CNTNAP5: variants seen among roughly 807,000 people sequenced by gnomAD.
The protein encoded by CNTNAP5 is contactin-associated protein-like 5.
A neutral mutation model predicts 150.2 loss-of-function variants in CNTNAP5; 72 were observed. The ratio of observed to expected loss-of-function variants is 0.48; its 90% CI spans 0.40 to 0.58. The LOEUF (loss-of-function observed/expected upper bound fraction) is 0.58. Ranked by LOEUF, CNTNAP5 falls within the 20% of genes least tolerant of loss-of-function variation. The probability of loss-of-function intolerance (pLI) is 0.00; values close to 1 mark genes in which losing one functional copy is unlikely to be tolerated. For synonymous variants in CNTNAP5, 672 were observed against 619.8 expected, an observed-to-expected ratio of 1.08 and a Z score of -1.25; for missense variants, 1,636 against 1,626.2, an observed-to-expected ratio of 1.01 and a Z score of -0.10.
intron 1 of CNTNAP5, among the ~76,000 whole-genome samples, chr2:124,128,601 C>A (rs562270229): frequency 1.9e-4 from 29 of 152,292 alleles, no homozygotes; most frequent in African/African-American, 6.5e-4. Context: ...ACTATAAAGA[C>A]ACATGCACAC....
chr2:124,121,161 C>A (rs932171167), intron 1 of CNTNAP5, among the ~76,000 whole-genome samples: 1 of 151,950 alleles, frequency 6.6e-6, no homozygotes, highest in Non-Finnish European at 1.5e-5. Flanking sequence ...CACACACACA[C>A]ACAAACACAC....
chr2:124,373,372 G>A (rs1483200564), intron 3 of CNTNAP5, among the ~76,000 whole-genome samples: 2 of 152,068 alleles, frequency 1.3e-5, no homozygotes, highest in Non-Finnish European at 2.9e-5. Context: ...TTTCCCTAAA[G>A]GGGAATTATA....
intron 13 of CNTNAP5, among the ~76,000 whole-genome samples, chr2:124,729,871 A>G (rs991164486): frequency 4.6e-5 from 7 of 152,098 alleles, no homozygotes; most frequent in Non-Finnish European, 1.0e-4. Flanking sequence ...TTATTTTTCT[A>G]ATTTGATTCT....
At chr2:124,764,231 AT>A (rs1276853257) in intron 16 of CNTNAP5, 84 bp downstream of exon 16, 55 of 1,031,700 alleles carry the variant, frequency 5.3e-5, no homozygotes, top group Non-Finnish European at 7.3e-5. Context: ...ACTAGTGGGC[AT>A]TTGTACCAGC....
intron 12 of CNTNAP5, among the ~76,000 whole-genome samples, chr2:124,627,958 G>T (rs954948946): frequency 7.2e-5 from 11 of 152,164 alleles, no homozygotes; most frequent in Non-Finnish European, 1.2e-4. Context: ...AAGTGGAAGA[G>T]AAATGGCAGA....
chr2:124,578,926 C>G (rs1696352859), intron 11 of CNTNAP5, among the ~76,000 whole-genome samples: 1 of 152,020 alleles, frequency 6.6e-6, no homozygotes. Flanking sequence ...GCTTATGCCT[C>G]TATGAAAGAT....
intron 3 of CNTNAP5, among the ~76,000 whole-genome samples, chr2:124,366,545 G>A (rs903104352): frequency 6.6e-6 from 1 of 152,128 alleles, no homozygotes; most frequent in Non-Finnish European, 1.5e-5. Flanking sequence ...GTGTCCTCAG[G>A]AAAAGAAAAT....
At chr2:124,326,162 A>C (rs922888726) in intron 3 of CNTNAP5, among the ~76,000 whole-genome samples, 1 of 152,196 alleles carries the variant, frequency 6.6e-6, no homozygotes, top group Non-Finnish European at 1.5e-5. Flanking sequence ...GGTGAGGATG[A>C]TGTTTCTTTG....
intron 13 of CNTNAP5, among the ~76,000 whole-genome samples, chr2:124,650,044 C>A (rs928337724): frequency 5.9e-5 from 9 of 152,186 alleles, no homozygotes; most frequent in African/African-American, 2.2e-4. Context: ...CTTTAACATT[C>A]AGATGTGAAT....
chr2:124,616,262 G>A (rs1171029712), intron 12 of CNTNAP5, among the ~76,000 whole-genome samples: 1 of 152,166 alleles, frequency 6.6e-6, no homozygotes, highest in Non-Finnish European at 1.5e-5. Context: ...TTTCATCAAT[G>A]ATCTTTGTTA....
intron 3 of CNTNAP5, among the ~76,000 whole-genome samples, chr2:124,287,743 G>A (rs998003238): frequency 3.9e-5 from 6 of 152,076 alleles, no homozygotes; most frequent in Non-Finnish European, 7.4e-5. Flanking sequence ...TTATTCTAAT[G>A]TACCTGACTA....
At chr2:124,308,674 T>G (rs1688748988) in intron 3 of CNTNAP5, among the ~76,000 whole-genome samples, 1 of 152,246 alleles carries the variant, frequency 6.6e-6, no homozygotes, top group African/African-American at 2.4e-5. Flanking sequence ...TAGATTTATC[T>G]TCTAAATGAA....
intron 22 of CNTNAP5, among the ~76,000 whole-genome samples, chr2:124,904,224 A>G (rs1468102057): frequency 1.3e-5 from 2 of 152,074 alleles, no homozygotes; most frequent in East Asian, 1.9e-4. Context: ...GTTATATCAT[A>G]TAGTATTTGT....
At chr2:124,897,973 G>A (rs935177616) in intron 21 of CNTNAP5, among the ~76,000 whole-genome samples, 1 of 126,428 alleles carries the variant, frequency 7.9e-6, no homozygotes, top group Non-Finnish European at 1.8e-5. Flanking sequence ...GTGTGTGTGT[G>A]TGTGTATGTG....
intron 1 of CNTNAP5, among the ~76,000 whole-genome samples, chr2:124,184,377 T>C (rs1573818541): frequency 6.6e-6 from 1 of 152,346 alleles, no homozygotes; most frequent in African/African-American, 2.4e-5. Flanking sequence ...AGCACGCTGG[T>C]GTATGGTTGT....
At chr2:124,157,367 T>A (rs1019833144) in intron 1 of CNTNAP5, among the ~76,000 whole-genome samples, 1 of 152,140 alleles carries the variant, frequency 6.6e-6, no homozygotes, top group African/African-American at 2.4e-5. Context: ...TTGGCATTGG[T>A]GTTTGGCTTC....
chr2:124,122,382 G>C (rs1232661215), intron 1 of CNTNAP5, among the ~76,000 whole-genome samples: 1 of 152,088 alleles, frequency 6.6e-6, no homozygotes, highest in Non-Finnish European at 1.5e-5. Context: ...GAATGATTCT[G>C]GTAAAATTGT....
chr2:124,665,818 A>G (rs1464050574), intron 13 of CNTNAP5, among the ~76,000 whole-genome samples: 1 of 151,774 alleles, frequency 6.6e-6, no homozygotes, highest in Non-Finnish European at 1.5e-5. Context: ...CCCGGGAGGA[A>G]GAGCTTGCAG....
chr2:124,895,063 A>T (rs764983402), intron 21 of CNTNAP5, among the ~76,000 whole-genome samples: 1 of 151,578 alleles, frequency 6.6e-6, no homozygotes, highest in Non-Finnish European at 1.5e-5. Flanking sequence ...TAATTTAGCC[A>T]GGTAGTTAGT....
Sources: allele counts gnomAD v4.1 joint callset (sites outside exome capture counted in the v4.1 genomes callset), GRCh38; gene constraint gnomAD v4.1.1; transcripts MANE v1.5; gene names NCBI Gene and HGNC (gene_info 2026-07-23, HGNC 2026-07-21).